The following TTC34 variants were observed in gnomAD, a reference collection of about 807,000 sequenced individuals.
TTC34 encodes the protein tetratricopeptide repeat protein 34.
Under a neutral mutation model 40.7 loss-of-function variants are expected in TTC34, and 44 were observed. The ratio of observed to expected loss-of-function variants is 1.08; its 90% CI spans 0.85 to 1.39. The LOEUF (loss-of-function observed/expected upper bound fraction) is 1.39. TTC34 is among the 40% of genes most tolerant of loss of function. The pLI is 0.00. For missense variants in TTC34, 884 were observed against 838.0 expected (o/e 1.05, Z -0.68); for synonymous variants, 422 against 398.6 (o/e 1.06, Z -0.70).
chr1:2,696,413 C>T (rs1489527650), intron 6 of TTC34, among the ~76,000 whole-genome samples: 2 of 87,344 alleles, frequency 2.3e-5, no homozygotes, highest in African/African-American at 4.1e-5. Flanking sequence ...AGGGGAGCAT[C>T]CGACAGCCTG....
At chr1:2,694,659 C>G (rs1257580802) in intron 6 of TTC34, among the ~76,000 whole-genome samples, 3 of 83,326 alleles carry the variant, frequency 3.6e-5, no homozygotes, top group South Asian at 3.4e-4. Flanking sequence ...CGGCCTGGAA[C>G]AGCACACACA....
chr1:2,767,483 C>A (rs1260974879), intron 6 of TTC34, among the ~76,000 whole-genome samples: 16 of 149,120 alleles, frequency 1.1e-4, no homozygotes, highest in African/African-American at 3.7e-4. Context: ...AATTCTCCAA[C>A]CACAGGTGAG....
chr1:2,645,245 G>T lies in TTC34; in HGVS notation c.2497+48C>A. 1.4e-6 allele frequency: 2 copies of T among 1,432,346 alleles called. No individual in the cohort carries two copies. The highest frequency in any genetic ancestry group is 1.8e-4 in the Middle Eastern group (1 of 5,410). 88.7% of individuals were successfully genotyped at this position (1,432,346 alleles called of 1,614,324 possible). A position where few individuals can be genotyped will look rare whatever the true frequency, so the allele number is the denominator to read the frequency against. ...CAGGATACAGAGGTCAGAGGAGCGGGGACAGAAGCCCAGACCCCGTGTTTC... is the reference window on the plus strand; with the variant it reads ...CAGGATACAGAGGTCAGAGGAGCGGTGACAGAAGCCCAGACCCCGTGTTTC... On this transcript the variant is annotated intron_variant, in intron 7 of 8. Coordinates refer to ENST00000401095, the Ensembl canonical transcript of TTC34. The surrounding 1 kb of genome is among the most constrained non-coding windows in gnomAD (Gnocchi z 4.7).
chr1:2,768,656 C>T (rs1417790512), intron 6 of TTC34, among the ~76,000 whole-genome samples: 2 of 151,590 alleles, frequency 1.3e-5, no homozygotes, highest in African/African-American at 4.9e-5. Flanking sequence ...AACAGCAGCT[C>T]ACATCCCCAG....
chr1:2,677,463 TCTG>T (rs1639947699), intron 6 of TTC34, among the ~76,000 whole-genome samples: 1 of 85,056 alleles, frequency 1.2e-5, no homozygotes. Context: ...CAGGCGAGCA[TCTG>T]AACACACGGA....
At chr1:2,698,572 A>T (rs1450316192) in intron 6 of TTC34, among the ~76,000 whole-genome samples, 1 of 104,398 alleles carries the variant, frequency 9.6e-6, no homozygotes, top group Admixed American at 8.7e-5. Flanking sequence ...CCACACCCCC[A>T]GATGAGCATC....
intron 6 of TTC34, among the ~76,000 whole-genome samples, chr1:2,684,529 ATCCGACATCCTGAAACAGCT>A (rs1640230272): frequency 1.4e-5 from 2 of 146,678 alleles, no homozygotes; most frequent in Admixed American, 6.7e-5. Flanking sequence ...CCAGGTGAGC[ATCCGACATCCTGAAACAGCT>A]CCCACAACCC....
At chr1:2,691,586 C>A (rs796800690) in intron 6 of TTC34, among the ~76,000 whole-genome samples, 2 of 115,218 alleles carry the variant, frequency 1.7e-5, no homozygotes, top group African/African-American at 3.0e-5. Context: ...CCCACATGCC[C>A]AGGTGAGACC....
rs1159226344 is a variant in TTC34, at chr1:2,755,702, AC to A, written c.2226+27906del. 3.2e-3 allele frequency among the ~76,000 whole-genome samples: 38 copies of A among 11,734 alleles called. 6 individuals carry two copies. Among genetic ancestry groups the A allele is most frequent in the African/African-American group, 0.015 (36 of 2,452 alleles). The allele number at this position is 11,734 out of a possible 152,430, so 7.7% of individuals were successfully genotyped here. A position where few individuals can be genotyped will look rare whatever the true frequency, so the allele number is the denominator to read the frequency against. ...CTGACATCGTGGAGCAGCACCCCAA[AC>A]CCACAGGTGAGCATCCGACAGCCTG... On this transcript the variant is annotated intron_variant, in intron 6 of 8. Coordinates refer to ENST00000401095, the Ensembl canonical transcript of TTC34.
rs559787895 is a variant in TTC34 at position 2,688,430 on chromosome 1, G to C, written c.2227-42867C>G. On this transcript the variant is annotated intron_variant, in intron 6 of 8. Transcript: ENST00000401095. ...CACACCCCCAGGTGAGCATCCGACAGCCTGGAGCAGGACCCACACCCCTAG... is the reference window on the plus strand; with the variant it reads ...CACACCCCCAGGTGAGCATCCGACACCCTGGAGCAGGACCCACACCCCTAG... Among the ~76,000 whole-genome samples, 225 of 110,544 alleles carry C rather than the reference G, an allele frequency of 2.0e-3. 1 individual carries two copies. The highest frequency in any genetic ancestry group is 9.2e-3 in the African/African-American group (210 of 22,942). 72.5% of individuals were successfully genotyped at this position (110,544 alleles called of 152,430 possible).
At chr1:2,768,640 G>C (rs1641881872) in intron 6 of TTC34, among the ~76,000 whole-genome samples, 1 of 151,858 alleles carries the variant, frequency 6.6e-6, no homozygotes, top group South Asian at 2.1e-4. Context: ...GCATCCGACA[G>C]CCTGGAACAG....
intron 6 of TTC34, among the ~76,000 whole-genome samples, chr1:2,779,182 G>C (rs927299919): frequency 2.0e-5 from 3 of 152,176 alleles, no homozygotes; most frequent in Non-Finnish European, 2.9e-5. Context: ...GTGGACACCT[G>C]GGTGCCTTCC....
chr1:2,694,999 G>T (rs978899576), intron 6 of TTC34, among the ~76,000 whole-genome samples: 3 of 147,172 alleles, frequency 2.0e-5, no homozygotes, highest in Non-Finnish European at 3.0e-5. Context: ...GCACCCCCAG[G>T]TGAGGATCTG....
In TTC34 at chr1:2,757,797, G is replaced by A. The variant is rs1447649831; in HGVS notation, c.2226+25812C>T. On this transcript the variant is annotated intron_variant, in intron 6 of 8. Coordinates refer to ENST00000401095, the Ensembl canonical transcript of TTC34. ...CCACGGAGCAGCACCCACACCTTCC[G>A]GCGAGCATCCGACAGCCTGGAGCAG... Among the ~76,000 whole-genome samples the A allele has an allele frequency of 5.4e-5, 8 of 147,648 alleles. No homozygotes were observed. The East Asian group carries it at 5.9e-4, about 11-fold the overall frequency.
chr1:2,768,262 C>T (rs988476658), intron 6 of TTC34, among the ~76,000 whole-genome samples: 2 of 152,014 alleles, frequency 1.3e-5, no homozygotes, highest in Admixed American at 6.5e-5. Flanking sequence ...CTGCCAGATC[C>T]TCACCTGGGG....
intron 2 of TTC34, among the ~76,000 whole-genome samples, chr1:2,791,909 G>A (rs115829233): frequency 6.7e-6 from 1 of 148,338 alleles, no homozygotes; most frequent in Admixed American, 6.8e-5. Context: ...TTCGTATCGA[G>A]TAATTTCTAT....
chr1:2,693,046 G>A (rs536892165), intron 6 of TTC34, among the ~76,000 whole-genome samples: 1 of 61,658 alleles, frequency 1.6e-5, no homozygotes, highest in East Asian at 3.9e-4. Context: ...GTATCTGTAC[G>A]CACAGAGCAG....
chr1:2,646,934 A>G (rs995869017), intron 6 of TTC34, among the ~76,000 whole-genome samples: 3 of 152,190 alleles, frequency 2.0e-5, no homozygotes, highest in African/African-American at 7.2e-5. Flanking sequence ...AACAAGATGG[A>G]TAATTCTGGC....
intron 6 of TTC34, among the ~76,000 whole-genome samples, chr1:2,685,316 C>A (rs879695746): frequency 0.049 from 3,091 of 62,772 alleles, 1 homozygote; most frequent in Admixed American, 0.075. Flanking sequence ...GCAGCACACA[C>A]ACCCACAAGC....
Sources: gnomAD v4.1 joint callset for allele counts (sites outside exome capture counted in the v4.1 genomes callset) on GRCh38, gnomAD v4.1.1 for gene constraint, Gnocchi (gnomAD v3.1) non-coding constraint, MANE v1.5 for transcripts, NCBI Gene and HGNC (gene_info 2026-07-23, HGNC 2026-07-21) for gene names.